The following VDAC1 variants were observed in gnomAD, a reference collection of about 807,000 sequenced individuals.
The protein encoded by VDAC1 is voltage dependent anion channel 1, also known as non-selective voltage-gated ion channel VDAC1.
VDAC1 carries 10 observed loss-of-function variants against 34.7 expected under a neutral mutation model. The ratio of observed to expected loss-of-function variants is 0.29; its 90% CI spans 0.18 to 0.49. The LOEUF is 0.49. VDAC1 is among the 20% of genes least tolerant of loss of function. The probability of loss-of-function intolerance (pLI) is 0.99; values close to 1 mark genes in which losing one functional copy is unlikely to be tolerated. For missense variants in VDAC1, 230 were observed against 347.9 expected, an observed-to-expected ratio of 0.66 and a Z score of 2.69; for synonymous variants, 130 against 136.0, an observed-to-expected ratio of 0.96 and a Z score of 0.30.
chr5:134,010,969 CTT>C, the VDAC1 span, among the ~76,000 whole-genome samples: 2 of 144,168 alleles, frequency 1.4e-5, no homozygotes, highest in Non-Finnish European at 1.5e-5. Context: ...CCCCCATTCC[CTT>C]TTTTTTTTTT....
the VDAC1 span, among the ~76,000 whole-genome samples, chr5:134,081,115 G>A: frequency 6.6e-6 from 1 of 150,688 alleles, no homozygotes; most frequent in Non-Finnish European, 1.5e-5. Context: ...TCAGCTTACT[G>A]CAACCTCTGC....
At chr5:134,050,869 A>G in the VDAC1 span, among the ~76,000 whole-genome samples, 1 of 152,172 alleles carries the variant, frequency 6.6e-6, no homozygotes, top group African/African-American at 2.4e-5. Context: ...GGATAAAAAC[A>G]ATCCACCCCT....
At chr5:134,027,621 C>G in the VDAC1 span, among the ~76,000 whole-genome samples, 84,061 of 151,958 alleles carry the variant, frequency 0.55, 23,458 homozygotes, top group Admixed American at 0.6. Flanking sequence ...GTCTGAAGAA[C>G]GAGCCACCCA....
At chr5:134,031,298 T>A in the VDAC1 span, among the ~76,000 whole-genome samples, 1 of 149,916 alleles carries the variant, frequency 6.7e-6, no homozygotes, top group African/African-American at 2.4e-5. Flanking sequence ...TTTACTTAGT[T>A]AAAAAAAAAA....
At chr5:133,984,873 T>C (rs3863185) in intron 5 of VDAC1, among the ~76,000 whole-genome samples, 31,428 of 151,970 alleles carry the variant, frequency 0.21, 3,503 homozygotes, top group East Asian at 0.45. Context: ...GAGGCAGAGG[T>C]TGCAATGAGC....
At chr5:134,080,964 C>A in the VDAC1 span, among the ~76,000 whole-genome samples, 1 of 152,082 alleles carries the variant, frequency 6.6e-6, no homozygotes, top group South Asian at 2.1e-4. Context: ...GCAACCTCCA[C>A]CTCCCAGGCT....
chr5:134,109,770 C>CAAAAAAAAAAAAAAAAAAAAAAAAAA, the VDAC1 span, among the ~76,000 whole-genome samples: 10 of 140,316 alleles, frequency 7.1e-5, no homozygotes, highest in African/African-American at 2.5e-4. Context: ...GGCTCCATCT[C>CAAAAAAAAAAAAAAAAAAAAAAAAAA]AAAAAAAAAA....
At chr5:133,999,492 T>C (rs961744141) in intron 1 of VDAC1, among the ~76,000 whole-genome samples, 3 of 152,218 alleles carry the variant, frequency 2.0e-5, no homozygotes, top group African/African-American at 7.2e-5. Flanking sequence ...GAACTGATCA[T>C]TATGGACTGC....
chr5:134,107,293 C>G, the VDAC1 span, among the ~76,000 whole-genome samples: 1 of 152,260 alleles, frequency 6.6e-6, no homozygotes, highest in African/African-American at 2.4e-5. Context: ...GAGCCCCCAG[C>G]CTCTGCTCAT....
chr5:134,009,565 T>G (rs866651509), upstream of VDAC1, among the ~76,000 whole-genome samples: 2 of 152,080 alleles, frequency 1.3e-5, no homozygotes, highest in South Asian at 4.1e-4. Flanking sequence ...CCAGAATTGA[T>G]CAATTCTTAT....
the VDAC1 span, among the ~76,000 whole-genome samples, chr5:134,036,948 G>A: frequency 1.4e-3 from 127 of 90,950 alleles, no homozygotes; most frequent in Non-Finnish European, 2.3e-3. Flanking sequence ...GTGAGACTCC[G>A]TCTCAAAAAA....
the VDAC1 span, among the ~76,000 whole-genome samples, chr5:134,044,122 T>C: frequency 0.04 from 6,045 of 152,160 alleles, 168 homozygotes; most frequent in African/African-American, 0.082. Flanking sequence ...CCCATCCCCA[T>C]CCCTTCACCA....
chr5:134,033,788 C>T, the VDAC1 span, among the ~76,000 whole-genome samples: 36 of 151,726 alleles, frequency 2.4e-4, no homozygotes, highest in East Asian at 9.7e-4. Context: ...GTCAGCAGAT[C>T]GAGACCATCC....
the VDAC1 span, among the ~76,000 whole-genome samples, chr5:134,113,130 C>T: frequency 6.6e-6 from 1 of 152,222 alleles, no homozygotes; most frequent in Non-Finnish European, 1.5e-5. Flanking sequence ...CCCCCTTCCC[C>T]GCCAATCCGG....
chr5:134,052,238 C>T, the VDAC1 span, among the ~76,000 whole-genome samples: 218 of 152,278 alleles, frequency 1.4e-3, 2 homozygotes, highest in Non-Finnish European at 3.8e-4. Flanking sequence ...GTCACCTTTT[C>T]CCACAACTCT....
the VDAC1 span, among the ~76,000 whole-genome samples, chr5:134,064,244 G>C: frequency 6.6e-6 from 1 of 152,056 alleles, no homozygotes; most frequent in East Asian, 1.9e-4. Context: ...ACTTCCCAAA[G>C]TGCTGAGATT....
the VDAC1 span, among the ~76,000 whole-genome samples, chr5:134,083,700 A>G: frequency 6.6e-6 from 1 of 152,094 alleles, no homozygotes. Context: ...GCAAGGACTT[A>G]CCAAAAGCAA....
the VDAC1 span, among the ~76,000 whole-genome samples, chr5:134,029,660 TTAAA>T: frequency 6.6e-6 from 1 of 152,204 alleles, no homozygotes; most frequent in Non-Finnish European, 1.5e-5. Flanking sequence ...AACTTGACAT[TTAAA>T]TAGCACATGT....
the VDAC1 span, among the ~76,000 whole-genome samples, chr5:134,043,387 G>T: frequency 6.6e-6 from 1 of 152,158 alleles, no homozygotes; most frequent in Admixed American, 6.6e-5. Flanking sequence ...CAAGGGCAGC[G>T]CTGGGCCACA....
Sources: gnomAD v4.1 joint callset for allele counts (sites outside exome capture counted in the v4.1 genomes callset) on GRCh38, gnomAD v4.1.1 for gene constraint, MANE v1.5 for transcripts, NCBI Gene and HGNC (gene_info 2026-07-23, HGNC 2026-07-21) for gene names.